KDM8: variants seen among roughly 807,000 people sequenced by gnomAD.
KDM8 encodes the protein lysine demethylase 8.
A neutral mutation model predicts 46.9 loss-of-function variants in KDM8; 35 were observed. The ratio of observed to expected loss-of-function variants is 0.75; its 90% confidence interval spans 0.57 to 0.99. KDM8 has a LOEUF of 0.99. Among genes scored for constraint, KDM8 ranks in the 50% least tolerant of loss-of-function variants. The pLI is 0.00. For synonymous variants in KDM8, 232 were observed against 227.7 expected, an observed-to-expected ratio of 1.02 and a Z score of -0.17; for missense variants, 475 against 537.0, an observed-to-expected ratio of 0.88 and a Z score of 1.14.
chr16:27,207,524 A>G (rs1167314113), intron 1 of KDM8, among the ~76,000 whole-genome samples: 1 of 152,222 alleles, frequency 6.6e-6, no homozygotes. Flanking sequence ...AAGGCAGAAG[A>G]CTGATGCGGC....
chr16:27,218,810 G>A, intron 5 of KDM8, 151 bp from the exon 6 acceptor site: 2 of 848,960 alleles, frequency 2.4e-6, no homozygotes, highest in African/African-American at 3.4e-5. Flanking sequence ...TCACGCCACT[G>A]CACTCCAGCC....
At position 27,210,584 on chromosome 16, in the gene KDM8, C is replaced by T. The variant is rs200038907; in HGVS notation, c.461C>T (p.Pro154Leu). The T allele has an allele frequency of 1.8e-4, 271 of 1,516,142 alleles. No homozygotes were observed. Among genetic ancestry groups the T allele is most frequent in the Non-Finnish European group, 2.3e-4 (262 of 1,132,454 alleles). 93.9% of individuals were successfully genotyped at this position (1,516,142 alleles called of 1,614,324 possible). The change falls in exon 2 of 8, where the codon CCT becomes CTT. Residue 154 changes from proline (P) to leucine (L), a missense_variant. Transcript: ENST00000286096. ...ILQTHLPGKR[P>L]ARGSLPEQPC... is the part of the protein sequence containing the mutation. ...CAGACACACCTCCCTGGAAAGAGGC[C>T]TGCCCGTGGCTCCCTCCCAGAGCAA...
Position 27,203,528 on chromosome 16 carries a change from T to C in KDM8, c.-140T>C, listed in dbSNP as rs1185405805. On this transcript the variant is annotated 5_prime_UTR_variant, in exon 1 of 8. Coordinates refer to ENST00000286096, the MANE Select transcript of KDM8 (RefSeq NM_024773.3). ...CAGACGAGCGGTGAGCGATCGATACTCCTATGCTAGCCTCTGGCTCCTCAG... is the reference window on the plus strand; with the variant it reads ...CAGACGAGCGGTGAGCGATCGATACCCCTATGCTAGCCTCTGGCTCCTCAG... 3 of 152,674 alleles carry C rather than the reference T, an allele frequency of 2.0e-5. No homozygotes were observed. The highest frequency in any genetic ancestry group is 7.2e-5 in the African/African-American group (3 of 41,440). The allele number at this position is 152,674 out of a possible 1,614,324, so 9.5% of individuals were successfully genotyped here. A position where few individuals can be genotyped will look rare whatever the true frequency, so the allele number is the denominator to read the frequency against.
chr16:27,210,278 C>T lies in KDM8; in HGVS notation c.155C>T (p.Ala52Val), dbSNP rs2083468657. Reference protein sequence around the residue: ...ERSVVTLLQRATELFYEGRRD... With the variant: ...ERSVVTLLQRVTELFYEGRRD... ...AGCGTGGTGACATTGTTGCAGCGAGCCACTGAGCTCTTCTACGAGGGCAGG... is the reference window on the plus strand; with the variant it reads ...AGCGTGGTGACATTGTTGCAGCGAGTCACTGAGCTCTTCTACGAGGGCAGG... Residue 52 changes from alanine (A) to valine (V), a missense_variant, in exon 2 of 8, where the codon GCC becomes GTC. Coordinates refer to ENST00000286096, the MANE Select transcript of KDM8 (RefSeq NM_024773.3). 1.2e-6 allele frequency: 2 copies of T among 1,613,110 alleles called. No homozygotes were observed. Among genetic ancestry groups the T allele is most frequent in the Admixed American group, 1.7e-5 (1 of 60,002 alleles).
At chr16:27,204,384 TAGAG>T (rs1567259976) in intron 1 of KDM8, 3 of 1,282,736 alleles carry the variant, frequency 2.3e-6, no homozygotes, top group Non-Finnish European at 3.0e-6. Context: ...GTGTGCCCCT[TAGAG>T]AGCCAAAGGG....
chr16:27,211,006 T>C (rs571777841), intron 2 of KDM8: 2 of 368,754 alleles, frequency 5.4e-6, no homozygotes, highest in South Asian at 4.3e-5. Context: ...CTGGAACTCC[T>C]GGCCTAAAGC....
At chr16:27,213,859 T>C (rs2083515934) in intron 3 of KDM8, 108 bp downstream of exon 3, 1 of 1,101,496 alleles carries the variant, frequency 9.1e-7, no homozygotes, top group Admixed American at 2.5e-5. Context: ...TTGTAGATGC[T>C]TCACTAGCAG....
chr16:27,203,948 T>G, intron 1 of KDM8: 1 of 606,864 alleles, frequency 1.6e-6, no homozygotes, highest in Admixed American at 3.6e-5. Flanking sequence ...GCTTTAGCGG[T>G]TCTTGGCGTC....
intron 1 of KDM8, among the ~76,000 whole-genome samples, chr16:27,206,688 C>T (rs1180295234): frequency 6.6e-6 from 1 of 152,214 alleles, no homozygotes; most frequent in Non-Finnish European, 1.5e-5. Context: ...CTTGATACAA[C>T]AAGAAGCCTT....
At chr16:27,203,679 C>T (rs2083396220) in intron 1 of KDM8, 43 bp downstream of exon 1, 1 of 170,536 alleles carries the variant, frequency 5.9e-6, no homozygotes, top group African/African-American at 2.4e-5. Flanking sequence ...TCCAGTTCCT[C>T]AGAAGTGGAG....
intron 2 of KDM8, chr16:27,211,585 A>G (rs2083485345): frequency 6.5e-6 from 1 of 153,784 alleles, no homozygotes; most frequent in Non-Finnish European, 1.4e-5. Flanking sequence ...AATGACTAAG[A>G]CTGTACTAGA....
At chr16:27,220,164 T>C (rs1337443801) in intron 6 of KDM8, among the ~76,000 whole-genome samples, 1 of 152,144 alleles carries the variant, frequency 6.6e-6, no homozygotes, top group African/African-American at 2.4e-5. Context: ...GAGACTGCAG[T>C]GAGCCATGAT....
rs751815669 is a variant in KDM8 at position 27,220,437 on chromosome 16, A to G, written c.1038A>G (p.Ser346=). The G allele has an allele frequency of 1.6e-5, 26 of 1,613,992 alleles. No individual in the cohort carries two copies. The highest frequency in any genetic ancestry group is 1.6e-4 in the African/African-American group (12 of 74,912). The change falls in exon 7 of 8, where the codon TCA becomes TCG. Residue 346 remains serine, a synonymous_variant. Coordinates refer to ENST00000286096, the MANE Select transcript of KDM8 (RefSeq NM_024773.3). ...KYIRLYSPQE[S]GALYPHDTHL... ...TCCGGCTGTATTCCCCGCAGGAGTC[A>G]GGGGCTCTGTACCCTCATGACACGC... is the stretch of plus-strand genomic sequence containing the variant.
chr16:27,204,477 C>A, intron 1 of KDM8: 1 of 640,398 alleles, frequency 1.6e-6, no homozygotes, highest in Non-Finnish European at 2.2e-6. Context: ...CTTGTTTTTG[C>A]ACAATTTTTG....
intron 6 of KDM8, among the ~76,000 whole-genome samples, chr16:27,219,388 C>G (rs1019035916): frequency 6.6e-6 from 1 of 152,166 alleles, no homozygotes; most frequent in Non-Finnish European, 1.5e-5. Context: ...TGTGGGTGCC[C>G]GGTGCCTCTG....
chr16:27,219,849 C>G (rs1339910251), intron 6 of KDM8, among the ~76,000 whole-genome samples: 2 of 152,202 alleles, frequency 1.3e-5, no homozygotes, highest in African/African-American at 4.8e-5. Flanking sequence ...TAAGCAGTGC[C>G]TGGCACAGAC....
chr16:27,213,789 AT>A, intron 3 of KDM8, 38 bp downstream of exon 3: 1 of 1,603,876 alleles, frequency 6.2e-7, no homozygotes. Context: ...CCCTTTTCCC[AT>A]TTTAGCGTTC....
In KDM8 at chr16:27,220,706, C is replaced by T; in HGVS notation, c.1227C>T (p.Phe409=). 2 of 1,614,202 alleles carry T rather than the reference C, an allele frequency of 1.2e-6. No individual in the cohort carries two copies. The highest frequency in any genetic ancestry group is 4.5e-5 in the East Asian group (2 of 44,880). Residue 409 remains phenylalanine (F), a synonymous_variant, in exon 8 of 8, where the codon TTC becomes TTT. Transcript: ENST00000286096. The part of the protein sequence containing the change: ...WHYVRALDLS[F]SVSFWWS ...ACGTGCGGGCTCTGGATTTGAGCTT[C>T]TCGGTCAGCTTCTGGTGGTCGTAGC...
intron 2 of KDM8, among the ~76,000 whole-genome samples, chr16:27,212,407 A>G (rs1378630559): frequency 6.6e-6 from 1 of 151,972 alleles, no homozygotes; most frequent in Non-Finnish European, 1.5e-5. Flanking sequence ...GGTCTTGCCC[A>G]GTCACCCACG....
Sources: gnomAD v4.1 joint callset for allele counts (sites outside exome capture counted in the v4.1 genomes callset) on GRCh38, gnomAD v4.1.1 for gene constraint, MANE v1.5 for transcripts, NCBI Gene and HGNC (gene_info 2026-07-23, HGNC 2026-07-21) for gene names.